ALS2: variants seen among roughly 807,000 people sequenced by gnomAD.
The protein encoded by ALS2 is alsin.
ALS2 carries 117 observed loss-of-function variants against 203.4 expected under a neutral mutation model. The ratio of observed to expected loss-of-function variants is 0.58; its 90% CI spans 0.50 to 0.67. The LOEUF is 0.67. ALS2 is among the 30% of genes least tolerant of loss of function. The pLI, the probability that ALS2 is intolerant of heterozygous loss-of-function variation, is 0.00. For missense variants in ALS2, 1,715 were observed against 1,989.4 expected (o/e 0.86, Z 2.62); for synonymous variants, 718 against 725.9 (o/e 0.99, Z 0.17).
At chr2:201,710,892 G>T in intron 26 of ALS2, 99 bp downstream of exon 26, 1 of 803,596 alleles carries the variant, frequency 1.2e-6, no homozygotes. Context: ...TGCAAAAACA[G>T]GATTAGAATA....
chr2:201,768,215 T>C (rs4675226), intron 2 of ALS2, among the ~76,000 whole-genome samples: 91,812 of 151,996 alleles, frequency 0.6, 30,092 homozygotes, highest in Non-Finnish European at 0.73. Flanking sequence ...AAATCCTTAA[T>C]GCTTTGCTCA....
At chr2:201,762,081 C>T (rs1303090513) in intron 3 of ALS2, among the ~76,000 whole-genome samples, 1 of 152,142 alleles carries the variant, frequency 6.6e-6, no homozygotes, top group African/African-American at 2.4e-5. Flanking sequence ...TCAGCCTCAT[C>T]CTACAAACTC....
chr2:201,764,903 C>CG (rs1274440922), intron 3 of ALS2, among the ~76,000 whole-genome samples: 2 of 152,034 alleles, frequency 1.3e-5, no homozygotes, highest in Non-Finnish European at 2.9e-5. Context: ...ACATGAATAA[C>CG]GATAGGCTAT....
intron 23 of ALS2, chr2:201,720,153 A>T: frequency 2.3e-6 from 1 of 431,210 alleles, no homozygotes; most frequent in Non-Finnish European, 4.6e-6. Flanking sequence ...AGACAAAGAC[A>T]TCACAATAAA....
chr2:201,722,961 T>G, intron 23 of ALS2, 82 bp downstream of exon 23: 1 of 1,158,578 alleles, frequency 8.6e-7, no homozygotes, highest in Non-Finnish European at 1.3e-6. Context: ...TTTTATGGCA[T>G]GTAAATCAGC....
intron 9 of ALS2, 44 bp downstream of exon 9, chr2:201,746,522 T>A: frequency 1.9e-6 from 3 of 1,604,126 alleles, no homozygotes; most frequent in Non-Finnish European, 2.6e-6. Flanking sequence ...AAAGACTTCT[T>A]ATGTGTTACT....
rs374156359 is a variant in ALS2 at position 201,728,618 on chromosome 2, C to T, written c.2735G>A (p.Arg912His). 40 of 1,614,084 alleles carry T rather than the reference C, an allele frequency of 2.5e-5. No individual in the cohort carries two copies. The highest frequency in any genetic ancestry group is 3.1e-5 in the Non-Finnish European group (37 of 1,179,992). Residue 912 changes from arginine to histidine, a missense_variant, in exon 15 of 34, where the codon CGT (arginine) becomes CAT (histidine). Around this residue, in one of 3 missense-constraint regions of ALS2, gnomAD observed 1,227 missense variants for 1,413.5 expected, o/e 0.87. Coordinates refer to ENST00000264276, the MANE Select transcript of ALS2 (RefSeq NM_020919.4). ...GTTACTACTCTCACACAGCAGTCGA[C>T]GCTCTGGCTTCCTCAAGGAATCCTG... The part of the protein sequence containing the change: ...KMTDSLRKPE[R>H]RLLCESSNRA...
chr2:201,773,440 G>A (rs1365638479), intron 1 of ALS2, among the ~76,000 whole-genome samples: 1 of 152,124 alleles, frequency 6.6e-6, no homozygotes, highest in African/African-American at 2.4e-5. Context: ...GGAGAAGCAG[G>A]TATCAGAAAT....
At chr2:201,747,650 C>T (rs906292349) in intron 8 of ALS2, among the ~76,000 whole-genome samples, 4 of 151,996 alleles carry the variant, frequency 2.6e-5, no homozygotes, top group Non-Finnish European at 1.5e-5. Flanking sequence ...GGGGTTTCAC[C>T]GTGTTAGCCA....
chr2:201,722,357 T>G (rs1293196996), intron 23 of ALS2: 1 of 152,180 alleles, frequency 6.6e-6, no homozygotes, highest in African/African-American at 2.4e-5. Flanking sequence ...TATGGAGAAA[T>G]TAGTATCCTC....
At chr2:201,718,738 C>A (rs1275476958) in intron 23 of ALS2, among the ~76,000 whole-genome samples, 1 of 151,858 alleles carries the variant, frequency 6.6e-6, no homozygotes, top group Non-Finnish European at 1.5e-5. Flanking sequence ...AGGGAAAAGT[C>A]AAAAATATTT....
At chr2:201,748,672 G>GA (rs1234321878) in intron 8 of ALS2, among the ~76,000 whole-genome samples, 3 of 152,140 alleles carry the variant, frequency 2.0e-5, no homozygotes, top group Non-Finnish European at 4.4e-5. Context: ...TAATGTATCA[G>GA]AAACTGAATA....
chr2:201,754,624 C>A lies in ALS2; in HGVS notation c.1519G>T (p.Val507Leu). The change falls in exon 6 of 34, where the codon GTG (valine) becomes TTG (leucine). Residue 507 changes from valine to leucine, a missense_variant. This residue lies in a region of ALS2 where 1,227 missense variants were observed against 1,413.5 expected (regional missense o/e 0.87). Coordinates refer to ENST00000264276, the MANE Select transcript of ALS2 (RefSeq NM_020919.4). Reference sequence around the variant, plus strand: ...CCACTGTATGTGGGGGTCAGAACCACTGTCCTCGTTTTCACCCGTGCAGCC... The same window carrying A: ...CCACTGTATGTGGGGGTCAGAACCAATGTCCTCGTTTTCACCCGTGCAGCC... The part of the protein sequence containing the change: ...RKAARVKTRT[V>L]VLTPTYSGEA... The A allele has an allele frequency of 6.2e-7, 1 of 1,614,188 alleles. No individual in the cohort carries two copies. The highest frequency in any genetic ancestry group is 8.5e-7 in the Non-Finnish European group (1 of 1,180,026).
intron 25 of ALS2, among the ~76,000 whole-genome samples, chr2:201,713,609 T>C (rs1028035526): frequency 3.3e-5 from 5 of 152,210 alleles, no homozygotes; most frequent in South Asian, 4.1e-4. Flanking sequence ...ACTGAGTTCA[T>C]ACAATAAGTG....
In ALS2 at chr2:201,758,760, A is replaced by ATGTGTGTGTGTGTGTG. The variant is rs775648737; in HGVS notation, c.1114-1017_1114-1002dup. 1.1e-4 allele frequency among the ~76,000 whole-genome samples: 17 copies of ATGTGTGTGTGTGTGTG among 150,744 alleles called. No homozygotes were observed. The South Asian group carries it at 1.9e-3, about 17-fold the overall frequency. On this transcript the variant is annotated intron_variant, in intron 4 of 33. Coordinates refer to ENST00000264276, the MANE Select transcript of ALS2 (RefSeq NM_020919.4). ...ACAAATATAATGTGTGTGTGTGCGCATGTGTGTGTGTGTGTGTGTGTGTGT... is the reference window on the plus strand; with the variant it reads ...ACAAATATAATGTGTGTGTGTGCGCATGTGTGTGTGTGTGTGTGTGTGTGTGTGTGTGTGTGTGTGT...
intron 5 of ALS2, among the ~76,000 whole-genome samples, chr2:201,756,341 CTT>C (rs1313985546): frequency 6.6e-6 from 1 of 151,404 alleles, no homozygotes; most frequent in Non-Finnish European, 1.5e-5. Context: ...TTAATCATGA[CTT>C]AAGTTTTATT....
rs1689402350 is a variant in ALS2, at chr2:201,701,692, C to T, written c.*159G>A. The T allele has an allele frequency of 5.7e-6, 4 of 700,574 alleles. No homozygotes were observed. 43.4% of individuals were successfully genotyped at this position (700,574 alleles called of 1,614,324 possible). On this transcript the variant is annotated 3_prime_UTR_variant, in exon 34 of 34. Transcript: ENST00000264276. The stretch of plus-strand genomic sequence containing the variant: ...AAACTATACAGTCCTTTTTTCTGGG[C>T]TCAGGGCTCTTATTATTGGTAAGGC...
At chr2:201,749,216 A>G (rs910182455) in intron 8 of ALS2, among the ~76,000 whole-genome samples, 1 of 89,580 alleles carries the variant, frequency 1.1e-5, no homozygotes, top group African/African-American at 2.8e-5. Flanking sequence ...TCCATCTAAC[A>G]GTAAAAAAAA....
At chr2:201,729,606 C>T (rs1051226662) in intron 13 of ALS2, among the ~76,000 whole-genome samples, 4 of 151,966 alleles carry the variant, frequency 2.6e-5, no homozygotes, top group African/African-American at 7.2e-5. Flanking sequence ...AATGGTAGGG[C>T]GCGGTGGCTC....
Sources: gnomAD v4.1 joint callset for allele counts (sites outside exome capture counted in the v4.1 genomes callset) on GRCh38, gnomAD v4.1.1 for gene constraint, gnomAD v4.1.1 regional missense constraint, MANE v1.5 for transcripts, NCBI Gene and HGNC (gene_info 2026-07-23, HGNC 2026-07-21) for gene names.